Variants in PYCR3 observed in about 807,000 individuals in gnomAD.
The protein encoded by PYCR3 is pyrroline-5-carboxylate reductase 3, also known as P5C reductase 3.
A neutral mutation model predicts 23.4 loss-of-function variants in PYCR3; 26 were observed. The observed-to-expected ratio is 1.11, with a 90% CI of 0.81 to 1.54. The LOEUF (loss-of-function observed/expected upper bound fraction) is 1.54, where lower values mean the gene tolerates loss of function less well. Ranked by LOEUF, PYCR3 falls within the 40% of genes most tolerant of loss-of-function variation. The probability of loss-of-function intolerance (pLI) is 0.00; values close to 1 mark genes in which losing one functional copy is unlikely to be tolerated. For missense variants in PYCR3, 360 were observed against 376.3 expected (o/e 0.96, Z 0.36); for synonymous variants, 194 against 162.6 (o/e 1.19, Z -1.47).
chr8:143,608,367 C>A, intron 1 of PYCR3: 1 of 551,894 alleles, frequency 1.8e-6, no homozygotes, highest in Admixed American at 3.4e-5. Flanking sequence ...CAGGAGCTTA[C>A]CTCATTGGTG....
At position 143,606,519 on chromosome 8, in the gene PYCR3, G is replaced by A; in HGVS notation, c.497C>T (p.Pro166Leu). 6.2e-7 allele frequency: 1 copy of A among 1,612,926 alleles called. No individual in the cohort carries two copies. Among genetic ancestry groups the A allele is most frequent in the Non-Finnish European group, 8.5e-7 (1 of 1,179,994 alleles). ...LEACGRCEEV[P>L]EAYVDIHTGL... Reference sequence around the variant, plus strand: ...AGTGTGGATGTCGACGTAGGCTTCAGGCACCTCCTCACACCGCCCACAGGC... The same window carrying A: ...AGTGTGGATGTCGACGTAGGCTTCAAGCACCTCCTCACACCGCCCACAGGC... The change falls in exon 4 of 6, where the codon CCT becomes CTT. Residue 166 changes from proline to leucine, a missense_variant. Coordinates refer to ENST00000495276, the MANE Select transcript of PYCR3 (RefSeq NM_023078.6).
Position 143,608,049 on chromosome 8 carries a change from G to A in PYCR3, c.156+13C>T. The A allele has an allele frequency of 3.7e-6, 6 of 1,606,768 alleles. No individual in the cohort carries two copies. Among genetic ancestry groups the A allele is most frequent in the South Asian group, 1.1e-5 (1 of 90,918 alleles). ...GCTCCTGAGGGTATGAAGAACCTGG[G>A]CTCTATGCTCACTTGAAAGTGACAT... On this transcript the variant is annotated intron_variant, in intron 2 of 5. Coordinates refer to ENST00000495276, the MANE Select transcript of PYCR3 (RefSeq NM_023078.6).
rs547774074 is a variant in PYCR3, at chr8:143,604,600, G to A, written c.*1100C>T. The stretch of plus-strand genomic sequence containing the variant: ...CTCCAGAGGCTGTTGGGCGGAAGCC[G>A]AGAGCTGCAGCAGTTGGGGCCAGCG... On this transcript the variant is annotated 3_prime_UTR_variant, in exon 6 of 6. Transcript: ENST00000495276. 40 of 305,554 alleles carry A rather than the reference G, an allele frequency of 1.3e-4. No individual in the cohort carries two copies. The highest frequency in any genetic ancestry group is 5.4e-4 in the African/African-American group (24 of 44,438). 18.9% of individuals were successfully genotyped at this position (305,554 alleles called of 1,614,324 possible).
Position 143,609,496 on chromosome 8 carries a change from C to G in PYCR3, c.53G>C (p.Arg18Pro). 6.6e-7 allele frequency: 1 copy of G among 1,514,344 alleles called. No homozygotes were observed. The highest frequency in any genetic ancestry group is 8.8e-7 in the Non-Finnish European group (1 of 1,139,152). The allele number at this position is 1,514,344 out of a possible 1,614,324, so 93.8% of individuals were successfully genotyped here. The change falls in exon 1 of 6, where the codon CGC (arginine) becomes CCC (proline). Residue 18 changes from arginine (R) to proline (P), a missense_variant. By Grantham distance (103) the Arg-to-Pro change is moderately radical. Transcript: ENST00000495276. ...PRRVGFVGAG[R>P]MAGAIAQGLI... ...GCCCTGCGCGATGGCCCCCGCCATG[C>G]GGCCCGCGCCCACGAAGCCCACGCG...
intron 5 of PYCR3, 70 bp from the exon 6 acceptor site, chr8:143,605,952 T>G (rs1829384712): frequency 3.2e-6 from 5 of 1,566,430 alleles, no homozygotes; most frequent in Non-Finnish European, 4.4e-6. Flanking sequence ...CTGCCCTCGT[T>G]GCATCCCCCA....
In PYCR3 at chr8:143,606,966, C is replaced by T; in HGVS notation, c.323G>A (p.Ser108Asn). 2 of 1,604,820 alleles carry T rather than the reference C, an allele frequency of 1.2e-6. No homozygotes were observed. The highest frequency in any genetic ancestry group is 4.5e-5 in the East Asian group (2 of 44,670). The change falls in exon 3 of 6, where the codon AGC becomes AAC. Residue 108 changes from serine (S) to asparagine (N), a missense_variant. Transcript: ENST00000495276. ...LVSVAAGVSL[S>N]TLEELLPPNT... Reference sequence around the variant, plus strand: ...AGGGACACTCACCTCCTCCAGGGTGCTCAGAGACACCCCAGCAGCCACGGA... The same window carrying T: ...AGGGACACTCACCTCCTCCAGGGTGTTCAGAGACACCCCAGCAGCCACGGA...
chr8:143,607,501 CAT>C (rs1829434675), intron 2 of PYCR3, among the ~76,000 whole-genome samples: 1 of 152,080 alleles, frequency 6.6e-6, no homozygotes, highest in Non-Finnish European at 1.5e-5. Flanking sequence ...TGAATGCACT[CAT>C]GAGCACAAAC....
chr8:143,609,343 C>G (rs952195458), intron 1 of PYCR3, 115 bp downstream of exon 1: 1 of 1,210,520 alleles, frequency 8.3e-7, no homozygotes, highest in Non-Finnish European at 1.1e-6. Context: ...CTGCGCCCAG[C>G]GGAGCGGAGA....
chr8:143,605,782 A>C lies in PYCR3; in HGVS notation c.743T>G (p.Leu248Arg). 1.2e-6 allele frequency: 2 copies of C among 1,611,902 alleles called. No individual in the cohort carries two copies. Among genetic ancestry groups the C allele is most frequent in the Non-Finnish European group, 1.7e-6 (2 of 1,179,516 alleles). The change falls in exon 6 of 6, where the codon CTG (leucine) becomes CGG (arginine). Residue 248 changes from leucine to arginine, a missense_variant. By Grantham distance (102) the Leu-to-Arg change is moderately radical. Transcript: ENST00000495276. ...GGCTGCTCGCAGCCCGCCCTGCTCCAGGGCGTGGAGTCCATAGATGGTGGT... is the reference window on the plus strand; with the variant it reads ...GGCTGCTCGCAGCCCGCCCTGCTCCCGGGCGTGGAGTCCATAGATGGTGGT... Reference protein sequence around the residue: ...GGTTIYGLHALEQGGLRAATM... With the variant: ...GGTTIYGLHAREQGGLRAATM...
At position 143,604,935 on chromosome 8, in the gene PYCR3, G is replaced by A; in HGVS notation, c.*765C>T. 1 of 510,198 alleles carries A rather than the reference G, an allele frequency of 2.0e-6. No homozygotes were observed. The allele number at this position is 510,198 out of a possible 1,614,324, so 31.6% of individuals were successfully genotyped here. A position where few individuals can be genotyped will look rare whatever the true frequency, so the allele number is the denominator to read the frequency against. On this transcript the variant is annotated 3_prime_UTR_variant, in exon 6 of 6. Coordinates refer to ENST00000495276, the MANE Select transcript of PYCR3 (RefSeq NM_023078.6). ...GGAGCTTAGGATTGGGAGGAAAGAG[G>A]GAGCCTGTATCCAGACTAAAGCCAG...
At chr8:143,608,296 A>G (rs1829457381) in intron 1 of PYCR3, 170 bp from the exon 2 acceptor site, 1 of 602,824 alleles carries the variant, frequency 1.7e-6, no homozygotes, top group Non-Finnish European at 2.9e-6. Flanking sequence ...GGGCCCAGGC[A>G]ATCAGATCCA....
At chr8:143,606,788 C>T (rs1361740819) in intron 3 of PYCR3, 109 bp from the exon 4 acceptor site, 24 of 1,341,024 alleles carry the variant, frequency 1.8e-5, no homozygotes, top group East Asian at 5.0e-5. Flanking sequence ...TGGGCTCCAG[C>T]GTCTGCCTCC....
At chr8:143,606,826 A>C in intron 3 of PYCR3, 127 bp downstream of exon 3, 2 of 1,358,348 alleles carry the variant, frequency 1.5e-6, no homozygotes, top group Non-Finnish European at 2.0e-6. Flanking sequence ...GGGAACCCTA[A>C]ATCCAGCCAC....
At chr8:143,607,784 C>T (rs183156950) in intron 2 of PYCR3, among the ~76,000 whole-genome samples, 17 of 152,244 alleles carry the variant, frequency 1.1e-4, no homozygotes, top group African/African-American at 3.6e-4. Flanking sequence ...CACATGCACA[C>T]GCATAGCCTC....
Position 143,605,094 on chromosome 8 carries a change from T to C in PYCR3, c.*606A>G. The C allele has an allele frequency of 2.7e-6, 1 of 371,926 alleles. No homozygotes were observed. The highest frequency in any genetic ancestry group is 7.5e-5 in the East Asian group (1 of 13,266). 23.0% of individuals were successfully genotyped at this position (371,926 alleles called of 1,614,324 possible). A position where few individuals can be genotyped will look rare whatever the true frequency, so the allele number is the denominator to read the frequency against. ...GCAGCTCCTGCTCCTTAGCAGGGGA[T>C]GAGCACGCCCACCACAGCCACCCTC... On this transcript the variant is annotated 3_prime_UTR_variant, in exon 6 of 6. Coordinates refer to ENST00000495276, the MANE Select transcript of PYCR3 (RefSeq NM_023078.6).
At chr8:143,606,770 G>C in intron 3 of PYCR3, 91 bp from the exon 4 acceptor site, 1 of 1,381,818 alleles carries the variant, frequency 7.2e-7, no homozygotes. Context: ...GTCCACGTCA[G>C]CTCGCGGTGG....
rs1829367066 is a variant in PYCR3, at chr8:143,605,477, C to T, written c.*223G>A. ...ACTGCAGCAAGGGGCAGAGCCACCA[C>T]CACGGTGCCTTCTGCTCACTGGGGA... On this transcript the variant is annotated 3_prime_UTR_variant, in exon 6 of 6. Coordinates refer to ENST00000495276, the MANE Select transcript of PYCR3 (RefSeq NM_023078.6). The T allele has an allele frequency of 1.8e-6, 1 of 559,758 alleles. No individual in the cohort carries two copies. Among genetic ancestry groups the T allele is most frequent in the South Asian group, 2.5e-5 (1 of 40,220 alleles). The allele number at this position is 559,758 out of a possible 1,614,324, so 34.7% of individuals were successfully genotyped here.
chr8:143,605,405 G>A lies in PYCR3; in HGVS notation c.*295C>T, dbSNP rs1488646025. The A allele has an allele frequency of 1.1e-5, 5 of 460,184 alleles. No individual in the cohort carries two copies. The highest frequency in any genetic ancestry group is 3.7e-5 in the Admixed American group (1 of 26,934). The allele number at this position is 460,184 out of a possible 1,614,324, so 28.5% of individuals were successfully genotyped here. A position where few individuals can be genotyped will look rare whatever the true frequency, so the allele number is the denominator to read the frequency against. On this transcript the variant is annotated 3_prime_UTR_variant, in exon 6 of 6. Transcript: ENST00000495276. ...AACCATGCGGGCAAATGACCAAGAC[G>A]CCATCTCTTGGGCCCCTCAGAACCA...
In PYCR3 at chr8:143,604,929, A is replaced by G; in HGVS notation, c.*771T>C. The stretch of plus-strand genomic sequence containing the variant: ...TTGTCAGGAGCTTAGGATTGGGAGG[A>G]AAGAGGGAGCCTGTATCCAGACTAA... On this transcript the variant is annotated 3_prime_UTR_variant, in exon 6 of 6. Transcript: ENST00000495276. 1 of 510,688 alleles carries G rather than the reference A, an allele frequency of 2.0e-6. No individual in the cohort carries two copies. Among genetic ancestry groups the G allele is most frequent in the Non-Finnish European group, 3.9e-6 (1 of 256,372 alleles). 31.6% of individuals were successfully genotyped at this position (510,688 alleles called of 1,614,324 possible). A position where few individuals can be genotyped will look rare whatever the true frequency, so the allele number is the denominator to read the frequency against.
Sources: gnomAD v4.1 joint callset for allele counts (sites outside exome capture counted in the v4.1 genomes callset) on GRCh38, gnomAD v4.1.1 for gene constraint, MANE v1.5 for transcripts, NCBI Gene and HGNC (gene_info 2026-07-23, HGNC 2026-07-21) for gene names.